SORCS3: variants seen among roughly 807,000 people sequenced by gnomAD.
SORCS3 encodes VPS10 domain-containing receptor SorCS3.
Under a neutral mutation model 146.3 loss-of-function variants are expected in SORCS3, and 57 were observed. The observed-to-expected ratio is 0.39, with a 90% confidence interval of 0.31 to 0.49. The LOEUF (loss-of-function observed/expected upper bound fraction) is 0.49. Among genes scored for constraint, SORCS3 ranks in the 20% least tolerant of loss-of-function variants. SORCS3 has a pLI of 0.92. For synonymous variants in SORCS3, 653 were observed against 618.5 expected (o/e 1.06, Z -0.83); for missense variants, 1,341 against 1,575.5 (o/e 0.85, Z 2.52).
chr10:104,969,341 G>A (rs2054845284), intron 3 of SORCS3, among the ~76,000 whole-genome samples: 1 of 128,770 alleles, frequency 7.8e-6, no homozygotes, highest in Non-Finnish European at 1.7e-5. Flanking sequence ...GTGTGTGTGT[G>A]CGCGCGCGCG....
At chr10:105,064,965 T>C (rs1298021782) in intron 5 of SORCS3, among the ~76,000 whole-genome samples, 1 of 152,230 alleles carries the variant, frequency 6.6e-6, no homozygotes, top group Non-Finnish European at 1.5e-5. Context: ...TTAAACATCA[T>C]AGTGTATATA....
At position 104,860,321 on chromosome 10, in the gene SORCS3, A is replaced by G. The variant is rs1055485702; in HGVS notation, c.695+17462A>G. ...ATTCTCAGTAAACTATCGCAAGAAC[A>G]AAAAACCAAACACCGCGTTTGCTCA... On this transcript the variant is annotated intron_variant, in intron 2 of 26. Coordinates refer to ENST00000369701, the MANE Select transcript of SORCS3 (RefSeq NM_014978.3). 1.6e-5 allele frequency among the ~76,000 whole-genome samples: 2 copies of G among 126,098 alleles called. 1 individual carries two copies. The highest frequency in any genetic ancestry group is 5.2e-5 in the African/African-American group (2 of 38,418). 82.7% of individuals were successfully genotyped at this position (126,098 alleles called of 152,430 possible).
intron 13 of SORCS3, among the ~76,000 whole-genome samples, chr10:105,169,562 A>G (rs1180780914): frequency 6.6e-6 from 1 of 152,138 alleles, no homozygotes; most frequent in Non-Finnish European, 1.5e-5. Flanking sequence ...ACCGAAGTCC[A>G]GAATTCAAGT....
intron 2 of SORCS3, among the ~76,000 whole-genome samples, chr10:104,844,460 C>T (rs2133548481): frequency 6.6e-6 from 1 of 152,274 alleles, no homozygotes; most frequent in East Asian, 1.9e-4. Flanking sequence ...GAACCTAGGC[C>T]AGTTGCTTAA....
At chr10:104,944,238 ATTAAAC>A (rs1484183390) in intron 3 of SORCS3, among the ~76,000 whole-genome samples, 2 of 152,224 alleles carry the variant, frequency 1.3e-5, no homozygotes, top group Non-Finnish European at 2.9e-5. Context: ...AGATATGACT[ATTAAAC>A]TTAAAACCAT....
intron 3 of SORCS3, among the ~76,000 whole-genome samples, chr10:104,924,790 A>C (rs1295910828): frequency 6.6e-6 from 1 of 152,228 alleles, no homozygotes; most frequent in Non-Finnish European, 1.5e-5. Flanking sequence ...TTCTTTCAGA[A>C]GCATAACTAG....
chr10:105,118,258 TC>T (rs2055906944), intron 7 of SORCS3, among the ~76,000 whole-genome samples: 1 of 152,106 alleles, frequency 6.6e-6, no homozygotes, highest in South Asian at 2.1e-4. Context: ...AGGGGCTTTT[TC>T]CCCCTTTGCT....
Position 104,641,768 on chromosome 10 carries a change from C to T in SORCS3, c.441C>T (p.Ala147=), listed in dbSNP as rs1020668164. The change falls in exon 1 of 27, where the codon GCC becomes GCT. Residue 147 remains alanine, a synonymous_variant. Coordinates refer to ENST00000369701, the MANE Select transcript of SORCS3 (RefSeq NM_014978.3). This position sits in a 1 kb window ranked among gnomAD's most constrained non-coding sequence, Gnocchi z 6.4. ...PITQERGDAW[A]TAPADGSRGS... ...CCCAGGAACGCGGGGACGCCTGGGC[C>T]ACTGCTCCGGCCGATGGTTCCAGAG... 8 of 1,547,392 alleles carry T rather than the reference C, an allele frequency of 5.2e-6. No individual in the cohort carries two copies. In the African/African-American group the frequency reaches 8.2e-5, roughly 16 times the overall value.
intron 7 of SORCS3, among the ~76,000 whole-genome samples, chr10:105,115,718 A>G (rs1295283878): frequency 6.6e-6 from 1 of 152,186 alleles, no homozygotes; most frequent in Non-Finnish European, 1.5e-5. Flanking sequence ...ACAAGCCTCT[A>G]TGATGTGGCT....
chr10:104,643,511 C>T (rs1303578048), intron 1 of SORCS3, among the ~76,000 whole-genome samples: 1 of 152,126 alleles, frequency 6.6e-6, no homozygotes, highest in African/African-American at 2.4e-5. Flanking sequence ...GATGAAGACC[C>T]CCGTAGCCTC....
chr10:104,882,038 T>C (rs191820487), intron 2 of SORCS3, among the ~76,000 whole-genome samples: 1 of 152,224 alleles, frequency 6.6e-6, no homozygotes, highest in African/African-American at 2.4e-5. Flanking sequence ...AGCTGCTCAG[T>C]GGATGCACAG....
intron 1 of SORCS3, among the ~76,000 whole-genome samples, chr10:104,691,311 A>G (rs1253177571): frequency 6.6e-6 from 1 of 152,238 alleles, no homozygotes; most frequent in Admixed American, 6.5e-5. Context: ...GAAAAAGACT[A>G]CAGTGGGAGG....
At chr10:104,753,552 A>T (rs1471853962) in intron 1 of SORCS3, among the ~76,000 whole-genome samples, 1 of 152,234 alleles carries the variant, frequency 6.6e-6, no homozygotes, top group Non-Finnish European at 1.5e-5. Context: ...CTTAGCTTTT[A>T]ATCAAGAGCT....
intron 2 of SORCS3, among the ~76,000 whole-genome samples, chr10:104,896,230 G>A (rs941637083): frequency 5.9e-5 from 9 of 152,146 alleles, no homozygotes; most frequent in African/African-American, 2.2e-4. Context: ...GGAGTTGTCA[G>A]TTCCCCTCTT....
At chr10:105,176,883 AGTGTG>A (rs2056409012) in intron 13 of SORCS3, among the ~76,000 whole-genome samples, 1 of 151,024 alleles carries the variant, frequency 6.6e-6, no homozygotes, top group Non-Finnish European at 1.5e-5. Context: ...AACCCTTCAC[AGTGTG>A]GTGGGAGAAT....
chr10:104,641,727 G>C lies in SORCS3; in HGVS notation c.400G>C (p.Ala134Pro). ...TGGCGGCGCGAGGAGGAGTCGCCGG[G>C]CGCAGCCCCCAATCACCCAGGAACG... ...KLGGARRSRR[A>P]QPPITQERGD... The change falls in exon 1 of 27, where the codon GCG (alanine) becomes CCG (proline). Residue 134 changes from alanine (A) to proline (P), a missense_variant. By Grantham distance (27) the Ala-to-Pro change is conservative. Transcript: ENST00000369701. This position sits in a 1 kb window ranked among gnomAD's most constrained non-coding sequence, Gnocchi z 6.4. 6.5e-7 allele frequency: 1 copy of C among 1,543,816 alleles called. No homozygotes were observed. Among genetic ancestry groups the C allele is most frequent in the Admixed American group, 2.0e-5 (1 of 50,774 alleles).
intron 2 of SORCS3, among the ~76,000 whole-genome samples, chr10:104,872,912 C>T (rs1397862144): frequency 1.3e-5 from 2 of 152,322 alleles, no homozygotes; most frequent in East Asian, 1.9e-4. Flanking sequence ...ATTTGCCATG[C>T]GTGAAAGCTT....
At chr10:105,064,052 A>G (rs2055505935) in intron 5 of SORCS3, among the ~76,000 whole-genome samples, 1 of 152,226 alleles carries the variant, frequency 6.6e-6, no homozygotes, top group African/African-American at 2.4e-5. Context: ...GATTACTTCA[A>G]GCAACATTTG....
intron 4 of SORCS3, among the ~76,000 whole-genome samples, chr10:104,995,780 AT>A (rs1353246844): frequency 6.6e-6 from 1 of 152,146 alleles, no homozygotes; most frequent in Non-Finnish European, 1.5e-5. Context: ...CAATTTATCA[AT>A]TTTTTGGATC....
Sources: gnomAD v4.1 joint callset for allele counts (sites outside exome capture counted in the v4.1 genomes callset) on GRCh38, gnomAD v4.1.1 for gene constraint, Gnocchi (gnomAD v3.1) non-coding constraint, MANE v1.5 for transcripts, NCBI Gene and HGNC (gene_info 2026-07-23, HGNC 2026-07-21) for gene names.